CCDC92: variants seen among roughly 807,000 people sequenced by gnomAD.
The protein encoded by CCDC92 is coiled-coil domain-containing protein 92.
A neutral mutation model predicts 24.9 loss-of-function variants in CCDC92; 12 were observed. The observed-to-expected ratio is 0.48, with a 90% CI of 0.31 to 0.78. The LOEUF (loss-of-function observed/expected upper bound fraction) is 0.78. CCDC92 is among the 30% of genes least tolerant of loss of function. The pLI, the probability that CCDC92 is intolerant of heterozygous loss-of-function variation, is 0.05. For synonymous variants in CCDC92, 193 were observed against 196.3 expected, an observed-to-expected ratio of 0.98 and a Z score of 0.14; for missense variants, 399 against 439.4, an observed-to-expected ratio of 0.91 and a Z score of 0.82.
At chr12:123,967,465 C>T (rs1402120128) in intron 1 of CCDC92, among the ~76,000 whole-genome samples, 2 of 152,114 alleles carry the variant, frequency 1.3e-5, no homozygotes, top group South Asian at 2.1e-4. Context: ...TACTAGCCAC[C>T]GAGGCAGAAA....
In CCDC92 at chr12:123,952,210, A is replaced by G. The variant is rs568658251; in HGVS notation, c.-59-7846T>C. Among the ~76,000 whole-genome samples the G allele has an allele frequency of 1.6e-4, 25 of 152,358 alleles. No individual in the cohort carries two copies. The South Asian group carries it at 5.2e-3, about 32-fold the overall frequency. Reference sequence around the variant, plus strand: ...AATACTTCTATAAATATACCTCAAGATTATTTACTTAGCCAACTAGGGCAT... The same window carrying G: ...AATACTTCTATAAATATACCTCAAGGTTATTTACTTAGCCAACTAGGGCAT... On this transcript the variant is annotated intron_variant, in intron 1 of 4. Coordinates refer to ENST00000238156, the MANE Select transcript of CCDC92 (RefSeq NM_025140.3).
chr12:123,938,263 T>C (rs147940135), intron 4 of CCDC92, among the ~76,000 whole-genome samples: 142 of 152,360 alleles, frequency 9.3e-4, no homozygotes, highest in African/African-American at 3.3e-3. Flanking sequence ...ATTAAAATTC[T>C]GATGTTTAGA....
intron 1 of CCDC92, among the ~76,000 whole-genome samples, chr12:123,947,908 C>T (rs1336600378): frequency 6.6e-6 from 1 of 152,216 alleles, no homozygotes; most frequent in Non-Finnish European, 1.5e-5. Context: ...CTGTAACACT[C>T]ACTGCGAAGG....
intron 1 of CCDC92, among the ~76,000 whole-genome samples, chr12:123,952,134 G>C (rs537871799): frequency 2.6e-5 from 4 of 152,332 alleles, no homozygotes; most frequent in African/African-American, 7.2e-5. Context: ...GCCTGGCATA[G>C]AGTAGTGCTC....
At chr12:123,965,802 TCA>T (rs1956378830) in intron 1 of CCDC92, among the ~76,000 whole-genome samples, 2 of 152,068 alleles carry the variant, frequency 1.3e-5, no homozygotes, top group Admixed American at 1.3e-4. Flanking sequence ...CCAGGGAAAA[TCA>T]TATGTGGGTG....
intron 2 of CCDC92, chr12:123,944,045 C>T (rs971043406): frequency 3.0e-5 from 16 of 529,402 alleles, no homozygotes; most frequent in Non-Finnish European, 3.3e-5. Context: ...CTCTAAATGG[C>T]ATCTGGAGCC....
intron 4 of CCDC92, among the ~76,000 whole-genome samples, chr12:123,939,628 T>C (rs552676486): frequency 1.3e-5 from 2 of 152,328 alleles, no homozygotes; most frequent in East Asian, 1.9e-4. Flanking sequence ...TTAAAAACCA[T>C]GTGTCTGTGT....
chr12:123,939,458 T>TGTAA (rs1290682790), intron 4 of CCDC92, among the ~76,000 whole-genome samples: 1 of 151,868 alleles, frequency 6.6e-6, no homozygotes, highest in Non-Finnish European at 1.5e-5. Context: ...AAAAATCCAA[T>TGTAA]GTAAGTTGAA....
intron 1 of CCDC92, chr12:123,966,746 C>T (rs1421335889): frequency 6.6e-6 from 1 of 152,236 alleles, no homozygotes; most frequent in Non-Finnish European, 1.5e-5. Context: ...ACAGGCAGGT[C>T]CCGCTGGCAT....
chr12:123,965,870 G>A (rs1036690501), intron 1 of CCDC92, among the ~76,000 whole-genome samples: 5 of 152,140 alleles, frequency 3.3e-5, no homozygotes, highest in African/African-American at 4.8e-5. Flanking sequence ...TGTTTGACCC[G>A]TCCATTCATG....
At chr12:123,960,786 A>T (rs1180959050) in intron 1 of CCDC92, 1 of 152,230 alleles carries the variant, frequency 6.6e-6, no homozygotes, top group East Asian at 1.9e-4. Flanking sequence ...GAACTGCCAA[A>T]TTTAAAAGTG....
chr12:123,964,309 AGAC>A (rs1247625840), intron 1 of CCDC92, among the ~76,000 whole-genome samples: 2 of 152,158 alleles, frequency 1.3e-5, no homozygotes, highest in Admixed American at 1.3e-4. Context: ...ATAACACAGA[AGAC>A]TACATAAATT....
At chr12:123,964,257 T>A (rs1016870557) in intron 1 of CCDC92, among the ~76,000 whole-genome samples, 8 of 152,104 alleles carry the variant, frequency 5.3e-5, no homozygotes, top group South Asian at 2.1e-4. Context: ...ATCTTTTTTT[T>A]AAAAAAAGTG....
chr12:123,941,184 T>G (rs1052033093), intron 4 of CCDC92, among the ~76,000 whole-genome samples: 1 of 152,192 alleles, frequency 6.6e-6, no homozygotes, highest in African/African-American at 2.4e-5. Context: ...AAGGCTTCAG[T>G]GCTGGCAGGT....
intron 2 of CCDC92, 138 bp from the exon 3 acceptor site, chr12:123,943,631 G>T (rs1054925907): frequency 1.3e-5 from 12 of 899,232 alleles, no homozygotes; most frequent in Admixed American, 1.3e-4. Flanking sequence ...AGGGCAGGGT[G>T]TGGGGGCACC....
Position 123,944,308 on chromosome 12 carries a change from G to T in CCDC92, c.-3C>A, listed in dbSNP as rs752077679. ...CTCGAGAAATGTGGTGAAGTCATGG[G>T]TCTTTCTGGAAAAGCTACCAGAGTA... On this transcript the variant is annotated 5_prime_UTR_variant, in exon 2 of 5. Transcript: ENST00000238156. 3 of 1,581,146 alleles carry T rather than the reference G, an allele frequency of 1.9e-6. No homozygotes were observed. The Admixed American group carries it at 5.9e-5, about 31-fold the overall frequency.
chr12:123,943,200 T>C (rs1295223791), intron 3 of CCDC92, 147 bp downstream of exon 3: 5 of 781,848 alleles, frequency 6.4e-6, no homozygotes, highest in Non-Finnish European at 8.0e-6. Context: ...ATCTTGATTA[T>C]GCAATGAGGA....
At chr12:123,953,436 T>C (rs2138059743) in intron 1 of CCDC92, among the ~76,000 whole-genome samples, 1 of 152,280 alleles carries the variant, frequency 6.6e-6, no homozygotes, top group Admixed American at 6.5e-5. Context: ...ATTGTATGTA[T>C]ATTATCACAT....
chr12:123,949,226 C>T (rs562904747), intron 1 of CCDC92, among the ~76,000 whole-genome samples: 1 of 152,380 alleles, frequency 6.6e-6, no homozygotes, highest in South Asian at 2.1e-4. Context: ...GCAGCTCATC[C>T]AGCCCGTTTG....
Sources: gnomAD v4.1 joint callset for allele counts (sites outside exome capture counted in the v4.1 genomes callset) on GRCh38, gnomAD v4.1.1 for gene constraint, MANE v1.5 for transcripts, NCBI Gene and HGNC (gene_info 2026-07-23, HGNC 2026-07-21) for gene names.